Variants in KRT83 observed in about 807,000 individuals in gnomAD.
KRT83 encodes keratin, type II cuticular Hb3.
In KRT83, 51 loss-of-function variants were observed where a neutral mutation model predicts 52.9. The ratio of observed to expected loss-of-function variants is 0.96; its 90% CI spans 0.77 to 1.22. The LOEUF (loss-of-function observed/expected upper bound fraction) is 1.22, where lower values mean the gene tolerates loss of function less well. Among genes scored for constraint, KRT83 ranks in the 50% most tolerant of loss-of-function variants. The pLI is 0.00. For synonymous variants in KRT83, 278 were observed against 274.1 expected, an observed-to-expected ratio of 1.01 and a Z score of -0.14; for missense variants, 654 against 666.5, an observed-to-expected ratio of 0.98 and a Z score of 0.21.
At chr12:52,320,566 CTTCCAGACAG>C (rs2121348187) in intron 1 of KRT83, among the ~76,000 whole-genome samples, 1 of 152,344 alleles carries the variant, frequency 6.6e-6, no homozygotes, top group Non-Finnish European at 1.5e-5. Flanking sequence ...ACGAGACCCA[CTTCCAGACAG>C]TTTTCCAGCA....
At chr12:52,315,049 C>T (rs1938665347) in intron 8 of KRT83, among the ~76,000 whole-genome samples, 1 of 152,174 alleles carries the variant, frequency 6.6e-6, no homozygotes, top group African/African-American at 2.4e-5. Flanking sequence ...AGCTTTCTCA[C>T]CTATATAAGG....
chr12:52,317,743 G>C lies in KRT83; in HGVS notation c.688C>G (p.Leu230Val). Reference protein sequence around the residue: ...VDCAYLRKSDLEANVEALIQE... With the variant: ...VDCAYLRKSDVEANVEALIQE... ...ATCAGGGCCTCCACGTTGGCCTCCA[G>C]GTCTGACTTGCGGAGGTAGGCGCAG... Residue 230 changes from leucine (L) to valine (V), a missense_variant, in exon 4 of 9, where the codon CTG (leucine) becomes GTG (valine). Leu to Val is a conservative substitution (Grantham distance 32). Transcript: ENST00000293670. 1 of 1,613,742 alleles carries C rather than the reference G, an allele frequency of 6.2e-7. No individual in the cohort carries two copies. Among genetic ancestry groups the C allele is most frequent in the South Asian group, 1.1e-5 (1 of 91,050 alleles).
chr12:52,319,094 G>C (rs1465034294), intron 2 of KRT83, 62 bp downstream of exon 2: 1 of 1,610,214 alleles, frequency 6.2e-7, no homozygotes, highest in Non-Finnish European at 8.5e-7. Context: ...ATACTCCTCC[G>C]GGCTCAGGGA....
At position 52,316,573 on chromosome 12, in the gene KRT83, T is replaced by C. The variant is rs1319092527; in HGVS notation, c.936A>G (p.Thr312=). The change falls in exon 6 of 9, where the codon ACA becomes ACG. Residue 312 remains threonine, a synonymous_variant. Coordinates refer to ENST00000293670, the MANE Select transcript of KRT83 (RefSeq NM_002282.3). ...GCAGGGTCTCCCCGTGCCTGATCACTGTGGCCTTCATCTCCTCACACTGCA... is the reference window on the plus strand; with the variant it reads ...GCAGGGTCTCCCCGTGCCTGATCACCGTGGCCTTCATCTCCTCACACTGCA... ...YRSKCEEMKA[T]VIRHGETLRR... 34 of 1,614,174 alleles carry C rather than the reference T, an allele frequency of 2.1e-5. No individual in the cohort carries two copies. In the East Asian group the frequency reaches 6.5e-4, roughly 31 times the overall value.
chr12:52,315,259 G>C, intron 8 of KRT83, 53 bp downstream of exon 8: 1 of 1,561,158 alleles, frequency 6.4e-7, no homozygotes. Context: ...TCATAGTCAA[G>C]AAGTCCTTTG....
At position 52,317,972 on chromosome 12, in the gene KRT83, T is replaced by C; in HGVS notation, c.594-2A>G. On this transcript the variant is annotated splice_acceptor_variant, in intron 2 of 8. Transcript: ENST00000293670. LOFTEE classifies it high-confidence loss of function. ...CGAAGTGCTACTTCTTCTTCATACC[T>C]GAGGTGAGCAGGGAGAACAGGACCT... The C allele has an allele frequency of 6.2e-7, 1 of 1,613,656 alleles. No homozygotes were observed. Among genetic ancestry groups the C allele is most frequent in the Non-Finnish European group, 8.5e-7 (1 of 1,179,644 alleles).
In KRT83 at chr12:52,321,234, G is replaced by A. The variant is rs1257983225; in HGVS notation, c.102C>T (p.Ala34=). ...AGCAGGAGATGCCGCGGTAGGGGGC[G>A]GCGGTGATGCAGCAGCGGCTTGGCC... ...GPRPSRCCIT[A]APYRGISCYR... is the part of the protein sequence containing the mutation. Residue 34 remains alanine (A), a synonymous_variant, in exon 1 of 9, where the codon GCC becomes GCT. Transcript: ENST00000293670. 3.7e-6 allele frequency: 6 copies of A among 1,613,466 alleles called. No homozygotes were observed. Among genetic ancestry groups the A allele is most frequent in the Non-Finnish European group, 2.5e-6 (3 of 1,179,920 alleles).
At chr12:52,316,334 A>T in intron 6 of KRT83, 134 bp downstream of exon 6, 1 of 1,360,524 alleles carries the variant, frequency 7.4e-7, no homozygotes, top group Non-Finnish European at 1.0e-6. Context: ...GAAATATTTC[A>T]GTAGATTTCT....
At chr12:52,319,388 A>G (rs1406946777) in intron 1 of KRT83, 24 bp from the exon 2 acceptor site, 2 of 1,612,962 alleles carry the variant, frequency 1.2e-6, no homozygotes, top group South Asian at 2.2e-5. Flanking sequence ...GCAGAGCCTA[A>G]GAACCTCTTC....
In KRT83 at chr12:52,314,888, C is replaced by T. The variant is rs565728292; in HGVS notation, c.1295-70G>A. On this transcript the variant is annotated intron_variant, in intron 8 of 8. Coordinates refer to ENST00000293670, the MANE Select transcript of KRT83 (RefSeq NM_002282.3). ...TCCCATCCAGCCACCTTCCTTTGGT[C>T]TGTCTGATGTGTCGACCATCCAGGG... is the stretch of plus-strand genomic sequence containing the variant. 5.0e-5 allele frequency: 72 copies of T among 1,429,974 alleles called. No individual in the cohort carries two copies. In the African/African-American group the frequency reaches 9.3e-4, roughly 19 times the overall value. The allele number at this position is 1,429,974 out of a possible 1,614,324, so 88.6% of individuals were successfully genotyped here.
At chr12:52,319,637 G>A (rs1014209108) in intron 1 of KRT83, among the ~76,000 whole-genome samples, 2 of 152,144 alleles carry the variant, frequency 1.3e-5, no homozygotes, top group African/African-American at 2.4e-5. Flanking sequence ...TTAACATTGT[G>A]CCCTTGGATA....
At chr12:52,315,797 G>A in intron 7 of KRT83, 96 bp downstream of exon 7, 1 of 1,526,858 alleles carries the variant, frequency 6.5e-7, no homozygotes, top group Admixed American at 1.7e-5. Context: ...ATCCATAGAG[G>A]CAAGAATGTC....
chr12:52,318,685 C>G (rs1313859210), intron 2 of KRT83, among the ~76,000 whole-genome samples: 1 of 152,188 alleles, frequency 6.6e-6, no homozygotes, highest in Non-Finnish European at 1.5e-5. Flanking sequence ...ATATATCACA[C>G]TTTGTAGCTG....
intron 1 of KRT83, among the ~76,000 whole-genome samples, chr12:52,320,136 C>T (rs895905649): frequency 6.6e-6 from 1 of 151,736 alleles, no homozygotes; most frequent in African/African-American, 2.4e-5. Context: ...TTATGCTATC[C>T]TTGGTCTCTC....
At chr12:52,318,243 T>A (rs1414993323) in intron 2 of KRT83, among the ~76,000 whole-genome samples, 1 of 151,998 alleles carries the variant, frequency 6.6e-6, no homozygotes, top group African/African-American at 2.4e-5. Context: ...TGGCGCGGTC[T>A]CGGCTCACTG....
chr12:52,321,328 C>G lies in KRT83; in HGVS notation c.8G>C (p.Cys3Ser). MT[C>S]GFNSIGCGFR... Reference sequence around the variant, plus strand: ...CCCACAGCCTATGGAGTTGAAGCCACAGGTCATGACGGAGGTTAGGAGGTG... The same window carrying G: ...CCCACAGCCTATGGAGTTGAAGCCAGAGGTCATGACGGAGGTTAGGAGGTG... The change falls in exon 1 of 9, where the codon TGT becomes TCT. Residue 3 changes from cysteine to serine, a missense_variant. Physicochemically the swap from Cys to Ser is moderately radical, Grantham distance 112 (BLOSUM62 -1). Transcript: ENST00000293670. The G allele has an allele frequency of 1.2e-6, 2 of 1,613,720 alleles. No individual in the cohort carries two copies. Among genetic ancestry groups the G allele is most frequent in the Non-Finnish European group, 8.5e-7 (1 of 1,180,030 alleles).
rs1938729448 is a variant in KRT83, at chr12:52,319,032, G to C, written c.593+124C>G. On this transcript the variant is annotated intron_variant, in intron 2 of 8. Coordinates refer to ENST00000293670, the MANE Select transcript of KRT83 (RefSeq NM_002282.3). Reference sequence around the variant, plus strand: ...CCAAGGGACCCCTGTGTCTCAAACAGGGGGTACAGGTTCTTCTCCACTCTC... The same window carrying C: ...CCAAGGGACCCCTGTGTCTCAAACACGGGGTACAGGTTCTTCTCCACTCTC... 7 of 1,431,904 alleles carry C rather than the reference G, an allele frequency of 4.9e-6. No homozygotes were observed. In the South Asian group the frequency reaches 8.0e-5, roughly 16 times the overall value. 88.7% of individuals were successfully genotyped at this position (1,431,904 alleles called of 1,614,324 possible). A position where few individuals can be genotyped will look rare whatever the true frequency, so the allele number is the denominator to read the frequency against.
chr12:52,314,986 TGGTCCTGG>T (rs1202167574), intron 8 of KRT83, among the ~76,000 whole-genome samples, 168 bp from the exon 9 acceptor site: 1 of 152,204 alleles, frequency 6.6e-6, no homozygotes, highest in Non-Finnish European at 1.5e-5. Context: ...ACCGGGGTTC[TGGTCCTGG>T]TTCTGCTTTG....
chr12:52,315,164 C>T (rs147168783), intron 8 of KRT83, 148 bp downstream of exon 8: 12 of 866,740 alleles, frequency 1.4e-5, no homozygotes, highest in Admixed American at 1.2e-4. Context: ...GCGAGCTAAC[C>T]TCAGTCTGTC....
Sources: allele counts gnomAD v4.1 joint callset (sites outside exome capture counted in the v4.1 genomes callset), GRCh38; gene constraint gnomAD v4.1.1; transcripts MANE v1.5; gene names NCBI Gene and HGNC (gene_info 2026-07-23, HGNC 2026-07-21).